The following CORIN variants were observed in gnomAD, a reference collection of about 807,000 sequenced individuals.
CORIN encodes corin, serine peptidase, also known as atrial natriuretic peptide-converting enzyme.
Under a neutral mutation model 125.3 loss-of-function variants are expected in CORIN, and 117 were observed. The ratio of observed to expected loss-of-function variants is 0.93; its 90% CI spans 0.80 to 1.09. The LOEUF is 1.09. Ranked by LOEUF, CORIN falls within the 50% of genes least tolerant of loss-of-function variation. The probability of loss-of-function intolerance (pLI) is 0.00; values close to 1 mark genes in which losing one functional copy is unlikely to be tolerated. For missense variants in CORIN, 1,253 were observed against 1,306.7 expected (o/e 0.96, Z 0.63); for synonymous variants, 450 against 466.4 (o/e 0.96, Z 0.45).
At chr4:47,797,995 T>G (rs983717410) in intron 2 of CORIN, among the ~76,000 whole-genome samples, 1 of 152,154 alleles carries the variant, frequency 6.6e-6, no homozygotes, top group Non-Finnish European at 1.5e-5. Flanking sequence ...ACATATAATT[T>G]AACTTTCTTA....
At chr4:47,781,617 C>A (rs1293762803) in intron 3 of CORIN, among the ~76,000 whole-genome samples, 4 of 152,146 alleles carry the variant, frequency 2.6e-5, no homozygotes. Flanking sequence ...GGATATAACT[C>A]CATAATAAGT....
chr4:47,768,125 C>T lies in CORIN; in HGVS notation c.410-4539G>A, dbSNP rs138473861. 2.8e-3 allele frequency among the ~76,000 whole-genome samples: 422 copies of T among 152,280 alleles called. 4 individuals carry two copies. Among genetic ancestry groups the T allele is most frequent in the African/African-American group, 9.3e-3 (386 of 41,542 alleles). On this transcript the variant is annotated intron_variant, in intron 3 of 21. Coordinates refer to ENST00000273857, the MANE Select transcript of CORIN (RefSeq NM_006587.4). ...TCCCCCACTGAGCACCTTGTGACCC[C>T]CATCCCTGCCCTCTGGAGAACAACC...
chr4:47,706,288 T>C, intron 5 of CORIN: 1 of 942,908 alleles, frequency 1.1e-6, no homozygotes. Context: ...TATCATAAGC[T>C]CTAAACTGCT....
At chr4:47,692,174 C>A (rs62299176) in intron 6 of CORIN, among the ~76,000 whole-genome samples, 2 of 152,222 alleles carry the variant, frequency 1.3e-5, no homozygotes, top group Non-Finnish European at 2.9e-5. Flanking sequence ...TCTTGCCATA[C>A]TAACTGTGGC....
chr4:47,835,749 T>G (rs1207966225), intron 1 of CORIN, among the ~76,000 whole-genome samples: 1 of 152,240 alleles, frequency 6.6e-6, no homozygotes, highest in East Asian at 1.9e-4. Context: ...GGTTGTGGAA[T>G]GCAAGATGCG....
chr4:47,801,961 A>G (rs1265902386), intron 2 of CORIN, among the ~76,000 whole-genome samples: 1 of 152,214 alleles, frequency 6.6e-6, no homozygotes, highest in Non-Finnish European at 1.5e-5. Context: ...TTCATCCTCC[A>G]GCAGTGGGTG....
chr4:47,764,489 G>A (rs562200762), intron 3 of CORIN, among the ~76,000 whole-genome samples: 21 of 152,294 alleles, frequency 1.4e-4, no homozygotes, highest in Admixed American at 1.4e-3. Flanking sequence ...TCTGTATAAA[G>A]ATTCATTGCT....
Position 47,595,904 on chromosome 4 carries a change from C to T in CORIN, c.2947-1G>A. On this transcript the variant is annotated splice_acceptor_variant, in intron 21 of 21. Coordinates refer to ENST00000273857, the MANE Select transcript of CORIN (RefSeq NM_006587.4). LOFTEE classifies it high-confidence loss of function. Reference sequence around the variant, plus strand: ...AAACAAGAGGCCCACCGCTGTCACCCTGCAATAAGTAACGATGGGAGTTAG... The same window carrying T: ...AAACAAGAGGCCCACCGCTGTCACCTTGCAATAAGTAACGATGGGAGTTAG... The T allele has an allele frequency of 6.2e-7, 1 of 1,606,286 alleles. No individual in the cohort carries two copies. Among genetic ancestry groups the T allele is most frequent in the South Asian group, 1.1e-5 (1 of 89,958 alleles).
chr4:47,717,258 A>T (rs1341801229), intron 5 of CORIN, among the ~76,000 whole-genome samples: 1 of 152,148 alleles, frequency 6.6e-6, no homozygotes, highest in Non-Finnish European at 1.5e-5. Context: ...GTACACACTC[A>T]ATTTTACCAA....
intron 5 of CORIN, among the ~76,000 whole-genome samples, chr4:47,733,141 C>A (rs1254310096): frequency 1.3e-5 from 2 of 150,224 alleles, no homozygotes; most frequent in Non-Finnish European, 1.5e-5. Context: ...CATGTGGCTT[C>A]TCTCAAATAA....
intron 2 of CORIN, among the ~76,000 whole-genome samples, chr4:47,796,870 G>A (rs913273661): frequency 1.3e-5 from 2 of 151,914 alleles, no homozygotes; most frequent in Non-Finnish European, 2.9e-5. Flanking sequence ...TTACTCCCTA[G>A]GGAATCTTCC....
chr4:47,727,715 G>A (rs946120610), intron 5 of CORIN, among the ~76,000 whole-genome samples: 1 of 152,092 alleles, frequency 6.6e-6, no homozygotes, highest in African/African-American at 2.4e-5. Flanking sequence ...AATGTTACAA[G>A]AGGAGCTTAT....
At chr4:47,752,953 T>C (rs1021332408) in intron 4 of CORIN, among the ~76,000 whole-genome samples, 3 of 151,834 alleles carry the variant, frequency 2.0e-5, no homozygotes, top group Non-Finnish European at 4.4e-5. Flanking sequence ...GATATTCAAA[T>C]GAATTGAATC....
intron 3 of CORIN, among the ~76,000 whole-genome samples, chr4:47,769,148 T>TA (rs779712320): frequency 2.0e-5 from 3 of 152,036 alleles, no homozygotes; most frequent in East Asian, 1.9e-4. Context: ...AAAATCAACA[T>TA]AAAAAATCAG....
At chr4:47,741,834 C>T (rs1320606628) in intron 5 of CORIN, among the ~76,000 whole-genome samples, 1 of 151,898 alleles carries the variant, frequency 6.6e-6, no homozygotes, top group Non-Finnish European at 1.5e-5. Context: ...TGATTTAATT[C>T]ATATTAAATG....
intron 16 of CORIN, among the ~76,000 whole-genome samples, chr4:47,629,496 T>C (rs1342042481): frequency 6.6e-6 from 1 of 152,168 alleles, no homozygotes; most frequent in African/African-American, 2.4e-5. Flanking sequence ...AAAGTAATAC[T>C]TGTACACAGA....
At chr4:47,805,728 T>A (rs1477406340) in intron 2 of CORIN, among the ~76,000 whole-genome samples, 1 of 152,210 alleles carries the variant, frequency 6.6e-6, no homozygotes, top group Non-Finnish European at 1.5e-5. Flanking sequence ...AAGCCTAATA[T>A]CTATTAATAG....
chr4:47,711,181 T>A (rs1315400509), intron 5 of CORIN, among the ~76,000 whole-genome samples: 2 of 151,810 alleles, frequency 1.3e-5, no homozygotes, highest in Non-Finnish European at 2.9e-5. Context: ...CACCCACATC[T>A]CTCCTGCCAC....
At position 47,837,967 on chromosome 4, in the gene CORIN, T is replaced by C. The variant is rs1733551414; in HGVS notation, c.-18A>G. 1.2e-6 allele frequency: 2 copies of C among 1,610,542 alleles called. No individual in the cohort carries two copies. The highest frequency in any genetic ancestry group is 3.3e-5 in the Admixed American group (2 of 60,002). The stretch of plus-strand genomic sequence containing the variant: ...TGTTTCATGGATAAAAAGTCTCGCT[T>C]ATTCTTCTGTCCACTTTTATCTTGG... On this transcript the variant is annotated 5_prime_UTR_variant, in exon 1 of 22. In the 5' UTR this introduces an upstream ATG that the reference lacks. Coordinates refer to ENST00000273857, the MANE Select transcript of CORIN (RefSeq NM_006587.4).
Sources: allele counts gnomAD v4.1 joint callset (sites outside exome capture counted in the v4.1 genomes callset), GRCh38; gene constraint gnomAD v4.1.1; transcripts MANE v1.5; gene names NCBI Gene and HGNC (gene_info 2026-07-23, HGNC 2026-07-21).